Variants in EXT1 observed in about 807,000 individuals in gnomAD.
The protein encoded by EXT1 is exostosin glycosyltransferase 1.
Under a neutral mutation model 82.5 loss-of-function variants are expected in EXT1, and 20 were observed. That is an observed-to-expected ratio of 0.24 (90% CI 0.17 to 0.35). EXT1 has a LOEUF of 0.35. Ranked by LOEUF, EXT1 falls within the 10% of genes least tolerant of loss-of-function variation. EXT1 has a pLI of 1.00. For synonymous variants in EXT1, 348 were observed against 350.8 expected, an observed-to-expected ratio of 0.99 and a Z score of 0.09; for missense variants, 757 against 936.5, an observed-to-expected ratio of 0.81 and a Z score of 2.50.
At chr8:117,939,848 C>T (rs771282223) in intron 1 of EXT1, among the ~76,000 whole-genome samples, 2 of 152,204 alleles carry the variant, frequency 1.3e-5, no homozygotes, top group Non-Finnish European at 2.9e-5. Context: ...ACATCTTATT[C>T]ACTTTTGCCC....
intron 1 of EXT1, among the ~76,000 whole-genome samples, chr8:118,049,233 G>C (rs1816679268): frequency 1.3e-5 from 2 of 152,178 alleles, no homozygotes; most frequent in Admixed American, 6.5e-5. Context: ...TCATGGATTT[G>C]TGCAAAATTC....
chr8:118,059,343 C>G (rs1417637361), intron 1 of EXT1, among the ~76,000 whole-genome samples: 1 of 152,108 alleles, frequency 6.6e-6, no homozygotes, highest in African/African-American at 2.4e-5. Flanking sequence ...GTACGGCTAG[C>G]CATATGGGGA....
chr8:118,008,237 C>T (rs986724869), intron 1 of EXT1, among the ~76,000 whole-genome samples: 1 of 151,744 alleles, frequency 6.6e-6, no homozygotes, highest in African/African-American at 2.4e-5. Context: ...AATGGTTGAG[C>T]TAATTTATGC....
At chr8:117,809,955 T>C (rs1437918500) in intron 8 of EXT1, among the ~76,000 whole-genome samples, 5 of 152,228 alleles carry the variant, frequency 3.3e-5, no homozygotes, top group Admixed American at 3.3e-4. Flanking sequence ...CAATGGGGTG[T>C]TCTCATCGCA....
intron 1 of EXT1, among the ~76,000 whole-genome samples, chr8:118,002,210 A>G (rs1436280937): frequency 2.0e-5 from 3 of 152,028 alleles, no homozygotes; most frequent in Admixed American, 6.6e-5. Flanking sequence ...ATTTAAAAAA[A>G]CATATATTTA....
chr8:117,898,850 C>T (rs1449193402), intron 1 of EXT1, among the ~76,000 whole-genome samples: 1 of 152,016 alleles, frequency 6.6e-6, no homozygotes, highest in Non-Finnish European at 1.5e-5. Context: ...ATGAACACAG[C>T]TCTTCCAAGC....
intron 1 of EXT1, among the ~76,000 whole-genome samples, chr8:117,965,822 G>A (rs1245090449): frequency 6.6e-6 from 1 of 152,008 alleles, no homozygotes; most frequent in Non-Finnish European, 1.5e-5. Flanking sequence ...CTAATTATGT[G>A]CTAACTATTC....
At chr8:117,819,331 G>A (rs1271683856) in intron 6 of EXT1, among the ~76,000 whole-genome samples, 1 of 152,172 alleles carries the variant, frequency 6.6e-6, no homozygotes, top group Non-Finnish European at 1.5e-5. Flanking sequence ...TCCTCCCAGA[G>A]GCTTTTTGGA....
intron 10 of EXT1, among the ~76,000 whole-genome samples, chr8:117,802,594 A>C (rs1387565112): frequency 6.6e-6 from 1 of 152,222 alleles, no homozygotes; most frequent in Non-Finnish European, 1.5e-5. Context: ...AGGGCTGTGT[A>C]AGTACACTTG....
At chr8:117,944,900 C>T (rs1440625491) in intron 1 of EXT1, among the ~76,000 whole-genome samples, 3 of 152,190 alleles carry the variant, frequency 2.0e-5, no homozygotes, top group East Asian at 1.9e-4. Flanking sequence ...CGGTGGCTCA[C>T]GCCTGTAATC....
intron 9 of EXT1, among the ~76,000 whole-genome samples, chr8:117,806,256 A>C (rs1187670041): frequency 2.0e-4 from 30 of 152,234 alleles, no homozygotes. Context: ...CAGTGGATGC[A>C]TAAAAGAAAA....
intron 1 of EXT1, among the ~76,000 whole-genome samples, chr8:118,076,101 C>T (rs1444546603): frequency 6.6e-6 from 1 of 152,076 alleles, no homozygotes; most frequent in Non-Finnish European, 1.5e-5. Flanking sequence ...TAAAACAAAA[C>T]ATAAAGCAAT....
intron 1 of EXT1, among the ~76,000 whole-genome samples, chr8:117,896,888 C>T (rs1813349176): frequency 6.6e-6 from 1 of 152,070 alleles, no homozygotes; most frequent in Non-Finnish European, 1.5e-5. Flanking sequence ...CAGGTTCTAG[C>T]CCTAAGGGAG....
At chr8:117,951,279 T>C (rs1006007613) in intron 1 of EXT1, among the ~76,000 whole-genome samples, 10 of 152,176 alleles carry the variant, frequency 6.6e-5, no homozygotes, top group African/African-American at 2.4e-4. Flanking sequence ...ATTGGCCTCT[T>C]TTACTCATCT....
At chr8:118,064,276 C>T (rs1399675317) in intron 1 of EXT1, among the ~76,000 whole-genome samples, 1 of 152,034 alleles carries the variant, frequency 6.6e-6, no homozygotes, top group African/African-American at 2.4e-5. Context: ...GTTTGCTGTG[C>T]TCATCAACCC....
chr8:118,057,970 CAAAAGAAAAAAAAAAAAAAAAAGG>C (rs1816821664), intron 1 of EXT1, among the ~76,000 whole-genome samples: 1 of 90,960 alleles, frequency 1.1e-5, no homozygotes, highest in Non-Finnish European at 2.1e-5. Flanking sequence ...GACCCCATCT[CAAAAGAAAAAAAAAAAAAAAAAGG>C]AAAAGAAAAA....
intron 1 of EXT1, among the ~76,000 whole-genome samples, chr8:117,899,748 A>G (rs1649684222): frequency 3.3e-5 from 5 of 152,336 alleles, no homozygotes; most frequent in Admixed American, 2.6e-4. Context: ...TATAAAATAA[A>G]GCTTATCAGT....
chr8:117,858,754 A>C lies in EXT1; in HGVS notation c.963-21553T>G, dbSNP rs148427181. 7.1e-3 allele frequency among the ~76,000 whole-genome samples: 400 copies of C among 56,708 alleles called. 10 individuals carry two copies. The highest frequency in any genetic ancestry group is 0.013 in the African/African-American group (213 of 15,784). 37.2% of individuals were successfully genotyped at this position (56,708 alleles called of 152,430 possible). On this transcript the variant is annotated intron_variant, in intron 1 of 10. Transcript: ENST00000378204. ...GAAGGAAGGAAGGAAGGAAGGAAGG[A>C]AGGAAGGAAGGAAGGCAGGCAGGCA...
At chr8:117,937,173 T>A (rs1814181207) in intron 1 of EXT1, among the ~76,000 whole-genome samples, 1 of 152,244 alleles carries the variant, frequency 6.6e-6, no homozygotes, top group Non-Finnish European at 1.5e-5. Flanking sequence ...AGTGGCTGTA[T>A]GTATTTAATA....
Sources: allele counts gnomAD v4.1 joint callset (sites outside exome capture counted in the v4.1 genomes callset), GRCh38; gene constraint gnomAD v4.1.1; transcripts MANE v1.5; gene names NCBI Gene and HGNC (gene_info 2026-07-23, HGNC 2026-07-21).